Variants in NDST4 observed in about 807,000 individuals in gnomAD.
NDST4 encodes the protein N-heparan sulfate sulfotransferase 4.
NDST4 carries 63 observed loss-of-function variants against 100.8 expected under a neutral mutation model. The observed-to-expected ratio is 0.62, with a 90% confidence interval of 0.51 to 0.77. NDST4 has a LOEUF of 0.77. NDST4 is among the 30% of genes least tolerant of loss of function. The probability of loss-of-function intolerance (pLI) is 0.00; values close to 1 mark genes in which losing one functional copy is unlikely to be tolerated. For missense variants in NDST4, 943 were observed against 1,018.4 expected (o/e 0.93, Z 1.01); for synonymous variants, 377 against 361.8 (o/e 1.04, Z -0.48).
intron 1 of NDST4, among the ~76,000 whole-genome samples, chr4:115,093,272 G>A (rs534858233): frequency 3.3e-5 from 5 of 151,968 alleles, no homozygotes; most frequent in Admixed American, 2.6e-4. Context: ...TCAGGAGATC[G>A]AGACTATCCT....
rs569401782 is a variant in NDST4, at chr4:114,829,403, C to T, written c.2499+387G>A. Among the ~76,000 whole-genome samples, 4 of 152,228 alleles carry T rather than the reference C, an allele frequency of 2.6e-5. No individual in the cohort carries two copies. The East Asian group carries it at 7.7e-4, about 29-fold the overall frequency. On this transcript the variant is annotated intron_variant, in intron 13 of 13. Transcript: ENST00000264363. ...TGTATTCTTTCCATTGCTTAGCCCA[C>T]TTCCACCTGTAATGTAGGCCTTGAA... is the stretch of plus-strand genomic sequence containing the variant.
chr4:115,037,723 C>T (rs186708046), intron 2 of NDST4, among the ~76,000 whole-genome samples: 134 of 152,122 alleles, frequency 8.8e-4, no homozygotes, highest in Middle Eastern at 3.4e-3. Context: ...AAAGCTAAGG[C>T]AGAAGGCCAA....
chr4:115,013,141 T>C (rs1328387881), intron 2 of NDST4, among the ~76,000 whole-genome samples: 1 of 151,318 alleles, frequency 6.6e-6, no homozygotes, highest in Admixed American at 6.6e-5. Context: ...AGATCTAGTA[T>C]TTGATAGCAC....
intron 13 of NDST4, 82 bp from the exon 14 acceptor site, chr4:114,828,017 A>G (rs1475139905): frequency 2.4e-6 from 3 of 1,269,240 alleles, no homozygotes; most frequent in African/African-American, 1.5e-5. Flanking sequence ...CTTAAGGAAT[A>G]TATCTACTAC....
chr4:114,953,774 T>C (rs371180047), intron 4 of NDST4, among the ~76,000 whole-genome samples: 14 of 152,288 alleles, frequency 9.2e-5, no homozygotes, highest in Middle Eastern at 3.4e-3. Flanking sequence ...TATAATATTC[T>C]ATACTGAATA....
intron 11 of NDST4, among the ~76,000 whole-genome samples, chr4:114,836,186 A>AATAC (rs1723301745): frequency 6.6e-6 from 1 of 152,066 alleles, no homozygotes. Flanking sequence ...TACATTACTT[A>AATAC]ATACAATTTC....
intron 2 of NDST4, among the ~76,000 whole-genome samples, chr4:115,054,956 A>T (rs1301816478): frequency 2.0e-5 from 3 of 152,126 alleles, no homozygotes; most frequent in African/African-American, 7.2e-5. Flanking sequence ...CAACCAGGCC[A>T]CATAGCAGAG....
At chr4:114,962,064 T>C (rs1172373531) in intron 4 of NDST4, among the ~76,000 whole-genome samples, 1 of 152,010 alleles carries the variant, frequency 6.6e-6, no homozygotes, top group Non-Finnish European at 1.5e-5. Context: ...ATATACCATA[T>C]CAAGAGAATA....
intron 7 of NDST4, among the ~76,000 whole-genome samples, chr4:114,862,930 A>C (rs1435867403): frequency 2.6e-5 from 4 of 151,982 alleles, no homozygotes; most frequent in Non-Finnish European, 4.4e-5. Flanking sequence ...ATATAGGCAG[A>C]TTGTCTTTTT....
At chr4:114,904,414 A>G (rs528887484) in intron 6 of NDST4, among the ~76,000 whole-genome samples, 1 of 152,068 alleles carries the variant, frequency 6.6e-6, no homozygotes, top group South Asian at 2.1e-4. Flanking sequence ...TTAGTAATGT[A>G]ATTGATATTA....
intron 8 of NDST4, among the ~76,000 whole-genome samples, chr4:114,850,126 A>G (rs1419675245): frequency 6.6e-6 from 1 of 152,216 alleles, no homozygotes; most frequent in Admixed American, 6.5e-5. Flanking sequence ...CAAAACACAA[A>G]TGAGAAAATT....
rs148329720 is a variant in NDST4 at position 115,055,615 on chromosome 4, T to G, written c.978+20444A>C. On this transcript the variant is annotated intron_variant, in intron 2 of 13. Transcript: ENST00000264363. ...TATCGGTTATTGAGTCCAAATAGAT[T>G]TGGGGGCCTTTTTAACTTATTACTG... 5.7e-3 allele frequency among the ~76,000 whole-genome samples: 873 copies of G among 152,296 alleles called. 8 individuals carry two copies. Among genetic ancestry groups the G allele is most frequent in the Middle Eastern group, 0.02 (6 of 294 alleles).
intron 1 of NDST4, among the ~76,000 whole-genome samples, chr4:115,110,648 T>G (rs1729934999): frequency 6.6e-6 from 1 of 151,966 alleles, no homozygotes; most frequent in Admixed American, 6.6e-5. Context: ...CATGGTTAGA[T>G]GATGCATCTC....
chr4:114,839,062 T>C (rs1212870828), intron 11 of NDST4, among the ~76,000 whole-genome samples: 2 of 152,206 alleles, frequency 1.3e-5, no homozygotes, highest in African/African-American at 4.8e-5. Flanking sequence ...AATCACATGA[T>C]GTCTCCTGTA....
intron 1 of NDST4, among the ~76,000 whole-genome samples, chr4:115,101,890 G>C (rs1057144796): frequency 4.6e-5 from 7 of 152,222 alleles, no homozygotes; most frequent in Non-Finnish European, 8.8e-5. Flanking sequence ...ACGTCATTAG[G>C]AGACGGGTTG....
chr4:114,867,650 A>T (rs1724059273), intron 7 of NDST4, among the ~76,000 whole-genome samples: 1 of 117,354 alleles, frequency 8.5e-6, no homozygotes, highest in African/African-American at 3.6e-5. Flanking sequence ...GAATTATAAA[A>T]AAAAAAAAAA....
At chr4:115,102,192 A>G (rs1729743457) in intron 1 of NDST4, among the ~76,000 whole-genome samples, 1 of 152,152 alleles carries the variant, frequency 6.6e-6, no homozygotes, top group Non-Finnish European at 1.5e-5. Flanking sequence ...ATTGATTTGC[A>G]TCCTTGCTAA....
At chr4:114,841,926 C>T (rs1723435179) in intron 10 of NDST4, among the ~76,000 whole-genome samples, 1 of 152,066 alleles carries the variant, frequency 6.6e-6, no homozygotes, top group South Asian at 2.1e-4. Flanking sequence ...TTCAGTAATA[C>T]ATTTTTTATT....
chr4:114,869,216 T>A (rs1724095890), intron 7 of NDST4, among the ~76,000 whole-genome samples: 3 of 151,768 alleles, frequency 2.0e-5, no homozygotes, highest in South Asian at 2.1e-4. Flanking sequence ...ATCTTAAAAA[T>A]TTCAAATAAT....
Sources: allele counts gnomAD v4.1 joint callset (sites outside exome capture counted in the v4.1 genomes callset), GRCh38; gene constraint gnomAD v4.1.1; transcripts MANE v1.5; gene names NCBI Gene and HGNC (gene_info 2026-07-23, HGNC 2026-07-21).